Variants in CALD1 observed in about 807,000 individuals in gnomAD.
CALD1 encodes the protein caldesmon.
CALD1 carries 33 observed loss-of-function variants against 99.9 expected under a neutral mutation model. The observed-to-expected ratio is 0.33, with a 90% CI of 0.25 to 0.44. The LOEUF is 0.44. Ranked by LOEUF, CALD1 falls within the 20% of genes least tolerant of loss-of-function variation. CALD1 has a pLI of 1.00. For synonymous variants in CALD1, 310 were observed against 325.0 expected, an observed-to-expected ratio of 0.95 and a Z score of 0.50; for missense variants, 861 against 962.1, an observed-to-expected ratio of 0.89 and a Z score of 1.39.
chr7:134,892,688 T>C (rs148583651), intron 3 of CALD1, among the ~76,000 whole-genome samples: 2 of 152,358 alleles, frequency 1.3e-5, no homozygotes, highest in African/African-American at 4.8e-5. Flanking sequence ...AAAGGGACTT[T>C]AGACGTTATC....
rs563605951 is a variant in CALD1 at position 134,751,682 on chromosome 7, G to A, written c.-130+7319G>A. Among the ~76,000 whole-genome samples the A allele has an allele frequency of 6.6e-5, 10 of 152,028 alleles. 1 individual carries two copies. Among genetic ancestry groups the A allele is most frequent in the African/African-American group, 2.4e-4 (10 of 41,458 alleles). ...GTTGGTAGAAAAAATGATCATATAA[G>A]CTTATCATCTAGGGCTGGGCGTGGT... On this transcript the variant is annotated intron_variant, in intron 1 of 13. Coordinates refer to the CALD1 transcript ENST00000417172.
At chr7:134,960,219 C>A in intron 12 of CALD1, 108 bp downstream of exon 12, 1 of 1,295,502 alleles carries the variant, frequency 7.7e-7, no homozygotes, top group Non-Finnish European at 1.1e-6. Flanking sequence ...GAAGAAGGTG[C>A]AATTTGTACT....
In CALD1 at chr7:134,861,403, A is replaced by G. The variant is rs999806306; in HGVS notation, c.-41-6290A>G. Among the ~76,000 whole-genome samples the G allele has an allele frequency of 3.3e-5, 5 of 152,340 alleles. No homozygotes were observed. The South Asian group carries it at 8.3e-4, about 25-fold the overall frequency. On this transcript the variant is annotated intron_variant, in intron 2 of 14. Transcript: ENST00000361675. Reference sequence around the variant, plus strand: ...CAATACCTGTAGGATGAAGAGAAACATCACTGAGTTGCAGCGATGGCCCAA... The same window carrying G: ...CAATACCTGTAGGATGAAGAGAAACGTCACTGAGTTGCAGCGATGGCCCAA...
chr7:134,909,782 A>G (rs551758445), intron 3 of CALD1, among the ~76,000 whole-genome samples: 2 of 152,340 alleles, frequency 1.3e-5, no homozygotes, highest in South Asian at 2.1e-4. Flanking sequence ...CAAGTTATAA[A>G]CATAGATGAT....
intron 3 of CALD1, among the ~76,000 whole-genome samples, chr7:134,903,402 A>T (rs887980751): frequency 5.9e-5 from 9 of 152,106 alleles, no homozygotes; most frequent in African/African-American, 2.2e-4. Context: ...GACGGAATAT[A>T]TGGGACATTT....
intron 13 of CALD1, among the ~76,000 whole-genome samples, chr7:134,963,573 C>T (rs1356228477): frequency 6.6e-6 from 1 of 152,198 alleles, no homozygotes; most frequent in Non-Finnish European, 1.5e-5. Flanking sequence ...CATTTATTTT[C>T]TACAAACTAC....
chr7:134,928,452 A>C (rs926839425), intron 3 of CALD1, among the ~76,000 whole-genome samples: 3 of 151,596 alleles, frequency 2.0e-5, no homozygotes, highest in Non-Finnish European at 4.4e-5. Flanking sequence ...AAAAAAAAAA[A>C]AAAACTAACC....
At chr7:134,872,658 C>T (rs1240824186) in intron 3 of CALD1, among the ~76,000 whole-genome samples, 1 of 152,020 alleles carries the variant, frequency 6.6e-6, no homozygotes, top group Admixed American at 6.6e-5. Flanking sequence ...GTATTAGTAA[C>T]TTTAGAGCAA....
Position 134,960,071 on chromosome 7 carries a change from A to G in CALD1, c.2159A>G (p.Asn720Ser), listed in dbSNP as rs779780393. The change falls in exon 12 of 15, where the codon AAT (asparagine) becomes AGT (serine). Residue 720 changes from asparagine to serine, a missense_variant. By Grantham distance (46) the Asn-to-Ser change is conservative. Transcript: ENST00000361675. Reference protein sequence around the residue: ...RNIKSMWEKGNVFSSPTAAGT... With the variant: ...RNIKSMWEKGSVFSSPTAAGT... ...ATCAAGAGTATGTGGGAGAAAGGGA[A>G]TGTGTTTTCATCCCCCACTGCAGCA... 3.1e-6 allele frequency: 5 copies of G among 1,614,080 alleles called. No individual in the cohort carries two copies. Among genetic ancestry groups the G allele is most frequent in the Non-Finnish European group, 4.2e-6 (5 of 1,179,934 alleles).
intron 1 of CALD1, among the ~76,000 whole-genome samples, chr7:134,819,569 G>A (rs1798690777): frequency 6.6e-6 from 1 of 152,140 alleles, no homozygotes; most frequent in Non-Finnish European, 1.5e-5. Flanking sequence ...TGCTCCAGAT[G>A]GCTTAATAAA....
At chr7:134,771,718 T>C (rs1010366745) in intron 1 of CALD1, among the ~76,000 whole-genome samples, 11 of 152,168 alleles carry the variant, frequency 7.2e-5, no homozygotes, top group African/African-American at 2.2e-4. Flanking sequence ...GGATGGCGGA[T>C]CTGGCCACTG....
intron 1 of CALD1, among the ~76,000 whole-genome samples, chr7:134,827,642 G>C (rs1284756641): frequency 6.6e-6 from 1 of 152,242 alleles, no homozygotes; most frequent in Non-Finnish European, 1.5e-5. Context: ...GCACAGGAAA[G>C]AGTGAGGACC....
intron 1 of CALD1, among the ~76,000 whole-genome samples, chr7:134,751,655 T>C (rs566907273): frequency 2.6e-4 from 22 of 85,604 alleles, no homozygotes; most frequent in Admixed American, 8.2e-4. Flanking sequence ...AAAGTCTTTA[T>C]TGTTGGTAGA....
chr7:134,757,386 A>G (rs1200279333), intron 1 of CALD1, among the ~76,000 whole-genome samples: 2 of 152,152 alleles, frequency 1.3e-5, no homozygotes, highest in Non-Finnish European at 2.9e-5. Flanking sequence ...GGCTCTGCCT[A>G]TAGATAGATC....
At chr7:134,793,140 AGGC>A (rs1256771490) in intron 1 of CALD1, among the ~76,000 whole-genome samples, 1 of 152,162 alleles carries the variant, frequency 6.6e-6, no homozygotes, top group African/African-American at 2.4e-5. Flanking sequence ...CCAGGGAGGC[AGGC>A]GCTGAGAGGG....
At chr7:134,776,567 T>C (rs556986164), upstream of CALD1, among the ~76,000 whole-genome samples, 12 of 152,256 alleles carry the variant, frequency 7.9e-5, no homozygotes, top group South Asian at 1.5e-3. Flanking sequence ...AAATTCTCTA[T>C]TGTGTTTGGT....
At chr7:134,887,941 A>G (rs527523822) in intron 3 of CALD1, among the ~76,000 whole-genome samples, 2 of 152,232 alleles carry the variant, frequency 1.3e-5, no homozygotes, top group Non-Finnish European at 2.9e-5. Context: ...CACTTCCCAC[A>G]TACCTCTCTT....
chr7:134,839,326 G>A (rs758863552), intron 1 of CALD1, among the ~76,000 whole-genome samples: 11 of 152,146 alleles, frequency 7.2e-5, no homozygotes, highest in Non-Finnish European at 1.5e-4. Flanking sequence ...AGACATTGAG[G>A]TTATTTCCTT....
chr7:134,848,132 C>T (rs1204274486), intron 2 of CALD1, among the ~76,000 whole-genome samples: 1 of 151,520 alleles, frequency 6.6e-6, no homozygotes, highest in African/African-American at 2.4e-5. Flanking sequence ...TTCCTTCCTA[C>T]TATTCTCTGT....
Sources: gnomAD v4.1 joint callset for allele counts (sites outside exome capture counted in the v4.1 genomes callset) on GRCh38, gnomAD v4.1.1 for gene constraint, MANE v1.5 for transcripts, NCBI Gene and HGNC (gene_info 2026-07-23, HGNC 2026-07-21) for gene names.